NCAM1: variants seen among roughly 807,000 people sequenced by gnomAD.
NCAM1 encodes the protein antigen recognized by monoclonal antibody 5.1H11.
A neutral mutation model predicts 109.8 loss-of-function variants in NCAM1; 14 were observed. The observed-to-expected ratio is 0.13, with a 90% CI of 0.08 to 0.20. The LOEUF (loss-of-function observed/expected upper bound fraction) is 0.20. Ranked by LOEUF, NCAM1 falls within the 10% of genes least tolerant of loss-of-function variation. NCAM1 has a pLI of 1.00. For synonymous variants in NCAM1, 418 were observed against 442.9 expected, an observed-to-expected ratio of 0.94 and a Z score of 0.70; for missense variants, 774 against 1,109.9, an observed-to-expected ratio of 0.70 and a Z score of 4.30.
At chr11:113,220,734 A>G (rs1393053168) in intron 8 of NCAM1, among the ~76,000 whole-genome samples, 1 of 150,404 alleles carries the variant, frequency 6.6e-6, no homozygotes, top group African/African-American at 2.5e-5. Context: ...AGCCTCCCGA[A>G]TAGCTGGGAC....
At chr11:113,047,287 A>C (rs1050383103) in intron 1 of NCAM1, among the ~76,000 whole-genome samples, 2 of 152,360 alleles carry the variant, frequency 1.3e-5, no homozygotes, top group African/African-American at 4.8e-5. Flanking sequence ...CCATGTAATA[A>C]AATCATGATG....
At chr11:113,055,212 A>G (rs569261276) in intron 1 of NCAM1, among the ~76,000 whole-genome samples, 2 of 152,334 alleles carry the variant, frequency 1.3e-5, no homozygotes, top group Admixed American at 1.3e-4. Flanking sequence ...CATTTTCCTT[A>G]GTGTATTGTT....
At chr11:113,173,046 G>A (rs1943040043) in intron 1 of NCAM1, among the ~76,000 whole-genome samples, 1 of 152,106 alleles carries the variant, frequency 6.6e-6, no homozygotes, top group Non-Finnish European at 1.5e-5. Context: ...TAAGTAATAG[G>A]CAATTTTATA....
chr11:113,116,182 A>G (rs1940699578), intron 1 of NCAM1, among the ~76,000 whole-genome samples: 6 of 152,226 alleles, frequency 3.9e-5, no homozygotes, highest in Admixed American at 3.9e-4. Flanking sequence ...GGGCTGTCTC[A>G]TACTAATTCA....
intron 1 of NCAM1, among the ~76,000 whole-genome samples, chr11:113,118,356 C>G (rs1555095312): frequency 1.3e-5 from 2 of 151,872 alleles, no homozygotes; most frequent in Non-Finnish European, 2.9e-5. Context: ...ATGTAATTGA[C>G]AATGATACCT....
At chr11:112,976,223 T>A (rs1218324018) in intron 1 of NCAM1, among the ~76,000 whole-genome samples, 1 of 151,960 alleles carries the variant, frequency 6.6e-6, no homozygotes, top group Non-Finnish European at 1.5e-5. Flanking sequence ...AATACTAAAC[T>A]TTTTGTTTGT....
rs34881446 is a variant in NCAM1 at position 112,974,811 on chromosome 11, TTGTG to T, written c.52+13165_52+13168del. ...CTGCCACCCTCCTGTAGCTTACAGT[TTGTG>T]TGTGTGTGTGTGTGTGTATGTATGT... is the stretch of plus-strand genomic sequence containing the variant. On this transcript the variant is annotated intron_variant, in intron 1 of 19. Transcript: ENST00000316851. Among the ~76,000 whole-genome samples the T allele has an allele frequency of 1.8e-4, 27 of 148,654 alleles. 1 individual carries two copies. Among genetic ancestry groups the T allele is most frequent in the Middle Eastern group, 3.4e-3 (1 of 292 alleles).
At chr11:113,210,775 AAC>A (rs35387760) in intron 7 of NCAM1, among the ~76,000 whole-genome samples, 15,534 of 130,720 alleles carry the variant, frequency 0.12, 920 homozygotes, top group East Asian at 0.29. Context: ...CTTCATCACA[AAC>A]ACACACACAC....
At chr11:113,104,799 T>C (rs139878800) in intron 1 of NCAM1, among the ~76,000 whole-genome samples, 94 of 152,354 alleles carry the variant, frequency 6.2e-4, no homozygotes, top group African/African-American at 2.2e-3. Flanking sequence ...AGTTAATGTA[T>C]AACCTCTTTG....
chr11:113,064,049 G>C (rs1937814730), intron 1 of NCAM1, among the ~76,000 whole-genome samples: 1 of 152,196 alleles, frequency 6.6e-6, no homozygotes, highest in Admixed American at 6.5e-5. Flanking sequence ...ATATGGACAG[G>C]TTTTACAACT....
chr11:112,961,654 G>A lies in NCAM1; in HGVS notation c.42G>A (p.Leu14=). 1 of 1,482,030 alleles carries A rather than the reference G, an allele frequency of 6.7e-7. No homozygotes were observed. Among genetic ancestry groups the A allele is most frequent in the African/African-American group, 1.4e-5 (1 of 71,732 alleles). 91.8% of individuals were successfully genotyped at this position (1,482,030 alleles called of 1,614,324 possible). A position where few individuals can be genotyped will look rare whatever the true frequency, so the allele number is the denominator to read the frequency against. The part of the protein sequence containing the change: ...TKDLIWTLFF[L]GTAVSLQVDI... ...ATCTCATCTGGACTTTGTTTTTCCT[G>A]GGAACTGCAGGTACATTTTTTTTTT... Residue 14 remains leucine, a synonymous_variant, in exon 1 of 20, where the codon CTG becomes CTA. Coordinates refer to ENST00000316851, the MANE Select transcript of NCAM1 (RefSeq NM_181351.5).
chr11:113,031,857 CAG>C (rs1273848039), intron 1 of NCAM1, among the ~76,000 whole-genome samples: 3 of 152,164 alleles, frequency 2.0e-5, no homozygotes, highest in Non-Finnish European at 4.4e-5. Flanking sequence ...AAATAAATTT[CAG>C]AGAGTAGGTG....
At chr11:113,194,419 A>G (rs1276784882) in intron 1 of NCAM1, among the ~76,000 whole-genome samples, 1 of 152,172 alleles carries the variant, frequency 6.6e-6, no homozygotes, top group African/African-American at 2.4e-5. Flanking sequence ...AATTCTTACC[A>G]GGACTGCTTG....
At chr11:113,235,486 C>T (rs1945138368) in intron 14 of NCAM1, among the ~76,000 whole-genome samples, 1 of 152,194 alleles carries the variant, frequency 6.6e-6, no homozygotes, top group African/African-American at 2.4e-5. Flanking sequence ...GTCAAAGGAT[C>T]TGGGAAAGTT....
intron 1 of NCAM1, among the ~76,000 whole-genome samples, chr11:113,087,455 C>T (rs1252390478): frequency 6.6e-6 from 1 of 152,168 alleles, no homozygotes; most frequent in Non-Finnish European, 1.5e-5. Context: ...TGAACTTTTA[C>T]GTTCATAATT....
At chr11:113,235,650 G>A (rs1242327607) in intron 14 of NCAM1, among the ~76,000 whole-genome samples, 2 of 152,222 alleles carry the variant, frequency 1.3e-5, no homozygotes, top group Non-Finnish European at 2.9e-5. Flanking sequence ...TATGTGAGCA[G>A]CAGCAGAAAC....
intron 1 of NCAM1, among the ~76,000 whole-genome samples, chr11:113,002,793 A>G (rs1236233161): frequency 1.3e-5 from 2 of 152,244 alleles, no homozygotes; most frequent in African/African-American, 2.4e-5. Flanking sequence ...AAGTCAAGTG[A>G]AATTTCCTGG....
intron 1 of NCAM1, among the ~76,000 whole-genome samples, chr11:113,201,264 C>T (rs530007168): frequency 3.3e-5 from 5 of 152,324 alleles, no homozygotes; most frequent in Admixed American, 6.5e-5. Context: ...AGACCTGCAG[C>T]AGCTCTGCCT....
At chr11:113,006,090 CA>C (rs1951888508) in intron 1 of NCAM1, among the ~76,000 whole-genome samples, 1 of 151,876 alleles carries the variant, frequency 6.6e-6, no homozygotes, top group African/African-American at 2.4e-5. Context: ...TTTTTGGTTT[CA>C]AAAAATTCTG....
Sources: gnomAD v4.1 joint callset for allele counts (sites outside exome capture counted in the v4.1 genomes callset) on GRCh38, gnomAD v4.1.1 for gene constraint, MANE v1.5 for transcripts, NCBI Gene and HGNC (gene_info 2026-07-23, HGNC 2026-07-21) for gene names.